TTC8: variants seen among roughly 807,000 people sequenced by gnomAD.
The protein encoded by TTC8 is tetratricopeptide repeat protein 8.
TTC8 carries 47 observed loss-of-function variants against 72.5 expected under a neutral mutation model. That is an observed-to-expected ratio of 0.65 (90% confidence interval 0.51 to 0.83). The LOEUF (loss-of-function observed/expected upper bound fraction) is 0.83. TTC8 is among the 40% of genes least tolerant of loss of function. The pLI is 0.00. For synonymous variants in TTC8, 199 were observed against 221.4 expected, an observed-to-expected ratio of 0.90 and a Z score of 0.90; for missense variants, 611 against 623.2, an observed-to-expected ratio of 0.98 and a Z score of 0.21.
chr14:88,871,647 T>C lies in TTC8; in HGVS notation c.1148T>C (p.Phe383Ser). The C allele has an allele frequency of 6.2e-7, 1 of 1,614,116 alleles. No individual in the cohort carries two copies. The highest frequency in any genetic ancestry group is 2.2e-5 in the East Asian group (1 of 44,868). Reference sequence around the variant, plus strand: ...CAGTATGATATGACTCTGACCTCATTTGAACGTGCCCTTTCTTTGGCTGAA... The same window carrying C: ...CAGTATGATATGACTCTGACCTCATCTGAACGTGCCCTTTCTTTGGCTGAA... ...AQQYDMTLTS[F>S]ERALSLAENE... is the part of the protein sequence containing the mutation. The change falls in exon 12 of 15, where the codon TTT becomes TCT. Residue 383 changes from phenylalanine to serine, a missense_variant. Transcript: ENST00000380656. This position sits in a 1 kb window ranked among gnomAD's most constrained non-coding sequence, Gnocchi z 4.1.
chr14:88,876,977 G>A lies in TTC8; in HGVS notation c.1432-317G>A, dbSNP rs9323835. On this transcript the variant is annotated intron_variant, in intron 14 of 14. Transcript: ENST00000380656. ...GTTTATAATACTATCATCAGTGACA[G>A]GAAAAGAAAACATAGGTTTCTAAAT... Among the ~76,000 whole-genome samples, 51,689 of 151,688 alleles carry A rather than the reference G, an allele frequency of 0.34. 9,029 individuals carry two copies. The highest frequency in any genetic ancestry group is 0.39 in the Non-Finnish European group (26,249 of 67,892).
At chr14:88,872,940 C>A (rs1268039032) in intron 13 of TTC8, among the ~76,000 whole-genome samples, 1 of 152,204 alleles carries the variant, frequency 6.6e-6, no homozygotes, top group Non-Finnish European at 1.5e-5. Context: ...GCATGGACTA[C>A]TATGAGAGCC....
chr14:88,844,219 T>C (rs942032370), intron 7 of TTC8, among the ~76,000 whole-genome samples: 1 of 152,226 alleles, frequency 6.6e-6, no homozygotes, highest in Admixed American at 6.5e-5. Flanking sequence ...ATTTCTGTTA[T>C]TTTTGTGGTG....
chr14:88,826,050 C>T (rs1223628272), intron 1 of TTC8, among the ~76,000 whole-genome samples: 2 of 151,770 alleles, frequency 1.3e-5, no homozygotes, highest in Admixed American at 6.6e-5. Context: ...TGGCACGGCG[C>T]GATCTCGGCT....
chr14:88,842,052 G>T (rs745411219), intron 6 of TTC8, among the ~76,000 whole-genome samples: 5 of 152,058 alleles, frequency 3.3e-5, no homozygotes, highest in African/African-American at 4.8e-5. Flanking sequence ...AAAATGAGAG[G>T]CAGAAGGAGA....
At chr14:88,836,657 A>G (rs2094753032) in intron 2 of TTC8, among the ~76,000 whole-genome samples, 1 of 152,202 alleles carries the variant, frequency 6.6e-6, no homozygotes, top group South Asian at 2.1e-4. Context: ...GATGTCAAGA[A>G]TCATGATGAA....
chr14:88,836,608 T>G (rs1416814453), intron 2 of TTC8, among the ~76,000 whole-genome samples: 2 of 152,190 alleles, frequency 1.3e-5, no homozygotes, highest in African/African-American at 4.8e-5. Flanking sequence ...TATAAAAAAT[T>G]TCTAACTCTT....
intron 10 of TTC8, among the ~76,000 whole-genome samples, chr14:88,866,812 C>A (rs546340717): frequency 1.3e-5 from 2 of 152,174 alleles, no homozygotes; most frequent in African/African-American, 4.8e-5. Flanking sequence ...GCCTCCAGCT[C>A]TCCTGTGTCC....
intron 7 of TTC8, among the ~76,000 whole-genome samples, chr14:88,847,944 G>A (rs996975765): frequency 2.6e-5 from 4 of 151,962 alleles, no homozygotes; most frequent in African/African-American, 9.7e-5. Flanking sequence ...ACAACATGGT[G>A]AAACTCTGTC....
intron 1 of TTC8, chr14:88,831,044 C>A (rs978122174): frequency 2.7e-6 from 1 of 368,954 alleles, no homozygotes; most frequent in African/African-American, 2.1e-5. Flanking sequence ...AGGTAAGAGA[C>A]CAACAGGACT....
In TTC8 at chr14:88,853,036, G is replaced by A; in HGVS notation, c.690G>A (p.Gln230=). ...SQYKDWWWKV[Q]IGKCYYRLGM... is the part of the protein sequence containing the mutation. ...ACAAGGACTGGTGGTGGAAAGTACA[G>A]ATTGGAAAATGTTACTACAGGTAAA... Residue 230 remains glutamine (Q), a synonymous_variant, in exon 8 of 15, where the codon CAG becomes CAA. Transcript: ENST00000380656. The A allele has an allele frequency of 6.2e-7, 1 of 1,613,204 alleles. No homozygotes were observed. The highest frequency in any genetic ancestry group is 8.5e-7 in the Non-Finnish European group (1 of 1,179,388).
rs535443539 is a variant in TTC8 at position 88,844,295 on chromosome 14, C to T, written c.624+445C>T. Among the ~76,000 whole-genome samples the T allele has an allele frequency of 6.9e-4, 105 of 152,194 alleles. 1 individual carries two copies. The highest frequency in any genetic ancestry group is 6.0e-3 in the South Asian group (29 of 4,820). On this transcript the variant is annotated intron_variant, in intron 7 of 14. Transcript: ENST00000380656. The stretch of plus-strand genomic sequence containing the variant: ...TCAAACATACAAAAGTAGAGGGAAT[C>T]GTCTTCATAGCCTCTTAACAGAGAA...
intron 9 of TTC8, 123 bp from the exon 10 acceptor site, chr14:88,861,099 C>T (rs539443115): frequency 1.3e-4 from 104 of 774,858 alleles, no homozygotes; most frequent in African/African-American, 1.1e-3. Context: ...CCACCACACC[C>T]GGCTAAAAAT....
chr14:88,825,323 T>A (rs1487579095), intron 1 of TTC8, among the ~76,000 whole-genome samples: 2 of 152,164 alleles, frequency 1.3e-5, no homozygotes. Flanking sequence ...GCCATGAGTT[T>A]AGCTTGAGGC....
chr14:88,839,620 A>C, intron 3 of TTC8, 48 bp downstream of exon 3: 1 of 1,602,246 alleles, frequency 6.2e-7, no homozygotes, highest in Non-Finnish European at 8.5e-7. Context: ...ATTAAGAGGA[A>C]GAATACTGTG....
intron 13 of TTC8, among the ~76,000 whole-genome samples, chr14:88,872,658 T>G (rs2094939728): frequency 6.6e-6 from 1 of 152,156 alleles, no homozygotes; most frequent in African/African-American, 2.4e-5. Flanking sequence ...GAATGTTTGA[T>G]TTTATTAGGA....
chr14:88,832,396 T>C (rs12435504), intron 1 of TTC8, among the ~76,000 whole-genome samples: 74,819 of 151,878 alleles, frequency 0.49, 20,480 homozygotes, highest in African/African-American at 0.75. Flanking sequence ...ACTTTCTCCC[T>C]CAGTTTTCTA....
intron 7 of TTC8, among the ~76,000 whole-genome samples, chr14:88,846,083 T>A (rs1208367469): frequency 6.6e-6 from 1 of 151,924 alleles, no homozygotes; most frequent in Non-Finnish European, 1.5e-5. Flanking sequence ...GAGGCAGGTG[T>A]ATCACTGGAG....
At chr14:88,830,956 G>T in intron 1 of TTC8, 1 of 455,650 alleles carries the variant, frequency 2.2e-6, no homozygotes, top group Non-Finnish European at 4.4e-6. Flanking sequence ...TTCCATCCTT[G>T]CTGTCATCCC....
Sources: gnomAD v4.1 joint callset for allele counts (sites outside exome capture counted in the v4.1 genomes callset) on GRCh38, gnomAD v4.1.1 for gene constraint, Gnocchi (gnomAD v3.1) non-coding constraint, MANE v1.5 for transcripts, NCBI Gene and HGNC (gene_info 2026-07-23, HGNC 2026-07-21) for gene names.